ATG10: variants seen among roughly 807,000 people sequenced by gnomAD.
ATG10 encodes autophagy related 10.
ATG10 carries 30 observed loss-of-function variants against 32.1 expected under a neutral mutation model. The observed-to-expected ratio is 0.94, with a 90% CI of 0.70 to 1.27. ATG10 has a LOEUF of 1.27. ATG10 is among the 50% of genes most tolerant of loss of function. The pLI, the probability that ATG10 is intolerant of heterozygous loss-of-function variation, is 0.00. For synonymous variants in ATG10, 87 were observed against 91.5 expected (o/e 0.95, Z 0.28); for missense variants, 233 against 262.3 (o/e 0.89, Z 0.77).
At chr5:82,171,826 C>G (rs1323301174) in intron 4 of ATG10, among the ~76,000 whole-genome samples, 5 of 152,116 alleles carry the variant, frequency 3.3e-5, no homozygotes, top group Non-Finnish European at 7.4e-5. Flanking sequence ...TTCATCTGTT[C>G]ATTCATTTGA....
At position 82,127,656 on chromosome 5, in the gene ATG10, T is replaced by C. The variant is rs139209381; in HGVS notation, c.217-36743T>C. ...TGCACTGTGGTCTGAGAGACTGTTA[T>C]GGTTTCTTTTCTTTTGCATTTGCTG... On this transcript the variant is annotated intron_variant, in intron 3 of 7. Transcript: ENST00000282185. Among the ~76,000 whole-genome samples the C allele has an allele frequency of 6.8e-4, 103 of 151,984 alleles. 3 individuals carry two copies. The East Asian group carries it at 0.013, about 19-fold the overall frequency.
chr5:82,113,803 A>G (rs1190811179), intron 3 of ATG10, among the ~76,000 whole-genome samples: 1 of 151,950 alleles, frequency 6.6e-6, no homozygotes, highest in Non-Finnish European at 1.5e-5. Flanking sequence ...TCTTTCATAA[A>G]TTACTTATCC....
At chr5:82,026,728 A>G (rs17243791) in intron 2 of ATG10, among the ~76,000 whole-genome samples, 29,159 of 152,138 alleles carry the variant, frequency 0.19, 3,187 homozygotes, top group Middle Eastern at 0.28. Flanking sequence ...ATGAAATTTA[A>G]TTAAGCTGAT....
intron 3 of ATG10, among the ~76,000 whole-genome samples, chr5:82,156,308 G>A (rs1767796827): frequency 6.6e-6 from 1 of 152,332 alleles, no homozygotes; most frequent in East Asian, 1.9e-4. Flanking sequence ...CCATGTGTAT[G>A]TGAGGCAAGA....
chr5:82,212,522 T>C (rs773859333), intron 5 of ATG10, among the ~76,000 whole-genome samples: 2 of 152,222 alleles, frequency 1.3e-5, no homozygotes, highest in Non-Finnish European at 2.9e-5. Context: ...TTTGAAAAGA[T>C]ACTCAAGTTC....
intron 3 of ATG10, among the ~76,000 whole-genome samples, chr5:82,133,723 A>G (rs1360373357): frequency 1.3e-5 from 2 of 152,082 alleles, no homozygotes; most frequent in Non-Finnish European, 2.9e-5. Flanking sequence ...TTTTGGTTCC[A>G]TATGAAATTT....
chr5:82,036,512 T>A (rs1404398731), intron 2 of ATG10, among the ~76,000 whole-genome samples: 3 of 152,112 alleles, frequency 2.0e-5, no homozygotes, highest in South Asian at 2.1e-4. Flanking sequence ...GAGAATTGCT[T>A]GAACCCAGGA....
chr5:82,098,813 T>C (rs897952036), intron 3 of ATG10, among the ~76,000 whole-genome samples: 28 of 152,338 alleles, frequency 1.8e-4, no homozygotes, highest in African/African-American at 6.7e-4. Flanking sequence ...GATAGTTCTT[T>C]AAGTGATCCA....
chr5:82,130,480 G>A (rs1030197355), intron 3 of ATG10, among the ~76,000 whole-genome samples: 5 of 152,078 alleles, frequency 3.3e-5, no homozygotes, highest in African/African-American at 4.8e-5. Flanking sequence ...TGGTGTAGGC[G>A]CCCAAAGGAA....
chr5:82,099,346 T>C (rs929659875), intron 3 of ATG10, among the ~76,000 whole-genome samples: 1 of 146,752 alleles, frequency 6.8e-6, no homozygotes, highest in Non-Finnish European at 1.5e-5. Flanking sequence ...AGTTATGATG[T>C]AACTTAAGGG....
Position 82,154,287 on chromosome 5 carries a change from C to CA in ATG10, c.217-10111dup, listed in dbSNP as rs1457795979. Among the ~76,000 whole-genome samples the CA allele has an allele frequency of 1.4e-4, 21 of 152,244 alleles. No individual in the cohort carries two copies. The East Asian group carries it at 3.7e-3, about 27-fold the overall frequency. ...CAGTGGCAAAGTTGAGTGGTTTTGA[C>CA]AGAGACTTATGATGCCCAAAGCCTG... On this transcript the variant is annotated intron_variant, in intron 3 of 7. Coordinates refer to ENST00000282185, the MANE Select transcript of ATG10 (RefSeq NM_031482.5).
intron 2 of ATG10, among the ~76,000 whole-genome samples, chr5:82,027,702 T>C (rs1233251698): frequency 1.3e-5 from 2 of 152,238 alleles, no homozygotes; most frequent in Non-Finnish European, 2.9e-5. Context: ...GAATAACTTT[T>C]CATTAAAGCT....
chr5:82,208,408 A>G (rs1745379227), intron 5 of ATG10, among the ~76,000 whole-genome samples: 1 of 152,168 alleles, frequency 6.6e-6, no homozygotes, highest in African/African-American at 2.4e-5. Context: ...CATTTTTACA[A>G]AATTAACTCT....
At chr5:82,064,926 G>A (rs1488670070) in intron 3 of ATG10, among the ~76,000 whole-genome samples, 2 of 152,050 alleles carry the variant, frequency 1.3e-5, no homozygotes, top group Non-Finnish European at 2.9e-5. Context: ...TTTATTATGA[G>A]GAAACTGAGA....
chr5:82,036,719 AG>A (rs1188336423), intron 2 of ATG10, among the ~76,000 whole-genome samples: 1 of 152,106 alleles, frequency 6.6e-6, no homozygotes, highest in African/African-American at 2.4e-5. Flanking sequence ...TTACTTTACA[AG>A]TTTTATAAAA....
At chr5:81,989,712 C>T (rs1374716546) in intron 2 of ATG10, among the ~76,000 whole-genome samples, 1 of 152,108 alleles carries the variant, frequency 6.6e-6, no homozygotes, top group Non-Finnish European at 1.5e-5. Flanking sequence ...ATTCTCCTGC[C>T]TCAGCCTCTT....
chr5:82,064,653 C>T (rs1049692081), intron 3 of ATG10, among the ~76,000 whole-genome samples: 34 of 152,084 alleles, frequency 2.2e-4, no homozygotes, highest in African/African-American at 8.2e-4. Flanking sequence ...TATTACATAC[C>T]AGTTCATCTT....
intron 3 of ATG10, among the ~76,000 whole-genome samples, chr5:82,136,790 A>G (rs1012099235): frequency 2.2e-4 from 34 of 152,114 alleles, no homozygotes; most frequent in African/African-American, 8.0e-4. Flanking sequence ...CTCCTGGATA[A>G]TATCCTGAAG....
chr5:82,099,090 C>T (rs1057016153), intron 3 of ATG10, among the ~76,000 whole-genome samples: 1 of 152,140 alleles, frequency 6.6e-6, no homozygotes, highest in Non-Finnish European at 1.5e-5. Flanking sequence ...GTTCACACTG[C>T]AACCTCACCT....
Sources: gnomAD v4.1 joint callset for allele counts (sites outside exome capture counted in the v4.1 genomes callset) on GRCh38, gnomAD v4.1.1 for gene constraint, MANE v1.5 for transcripts, NCBI Gene and HGNC (gene_info 2026-07-23, HGNC 2026-07-21) for gene names.